GGNBP2: variants seen among roughly 807,000 people sequenced by gnomAD.
The protein encoded by GGNBP2 is gametogenetin-binding protein 2.
Under a neutral mutation model 85.9 loss-of-function variants are expected in GGNBP2, and 10 were observed. The observed-to-expected ratio is 0.12, with a 90% CI of 0.07 to 0.20. The LOEUF (loss-of-function observed/expected upper bound fraction) is 0.20. Ranked by LOEUF, GGNBP2 falls within the 10% of genes least tolerant of loss-of-function variation. The pLI is 1.00. For synonymous variants in GGNBP2, 287 were observed against 285.7 expected (o/e 1.00, Z -0.05); for missense variants, 595 against 857.8 (o/e 0.69, Z 3.83).
chr17:36,586,917 C>CTT (rs11367622), intron 12 of GGNBP2, 80 bp from the exon 13 acceptor site: 1,717 of 1,067,164 alleles, frequency 1.6e-3, no homozygotes, highest in South Asian at 2.5e-3. Flanking sequence ...CCGTGCCCCG[C>CTT]TTTTTTTTTT....
intron 9 of GGNBP2, chr17:36,582,442 A>G (rs1297070848): frequency 4.6e-5 from 7 of 152,234 alleles, no homozygotes; most frequent in Admixed American, 3.9e-4. Flanking sequence ...AAATAAGGAC[A>G]AGAAAAAAGT....
In GGNBP2 at chr17:36,587,055, C is replaced by G; in HGVS notation, c.1700C>G (p.Thr567Ser). 1 of 1,613,500 alleles carries G rather than the reference C, an allele frequency of 6.2e-7. No homozygotes were observed. Among genetic ancestry groups the G allele is most frequent in the Non-Finnish European group, 8.5e-7 (1 of 1,179,704 alleles). Residue 567 changes from threonine to serine, a missense_variant, in exon 13 of 14, where the codon ACC becomes AGC. Thr to Ser is a moderately conservative substitution (Grantham distance 58, BLOSUM62 1). Transcript: ENST00000613102. The stretch of plus-strand genomic sequence containing the variant: ...GGTAATCGAGAGACCTCAGGAAATA[C>G]CATGCACACAGTGTTTCACCGTGAC... ...DPGNRETSGNTMHTVFHRDKT... is the reference protein window; with the variant it reads ...DPGNRETSGNSMHTVFHRDKT...
In GGNBP2 at chr17:36,575,648, A is replaced by ATTTTT. The variant is rs71274856; in HGVS notation, c.642-2324_642-2320dup. Among the ~76,000 whole-genome samples the ATTTTT allele has an allele frequency of 2.4e-3, 130 of 54,900 alleles. 3 individuals are homozygous for ATTTTT. The highest frequency in any genetic ancestry group is 7.2e-3 in the African/African-American group (66 of 9,186). The allele number at this position is 54,900 out of a possible 152,430, so 36.0% of individuals were successfully genotyped here. The stretch of plus-strand genomic sequence containing the variant: ...TATATATATATATATATATATATAT[A>ATTTTT]TTTTTTTTTTTTTTTGAGATGGAGT... On this transcript the variant is annotated intron_variant, in intron 6 of 13. Transcript: ENST00000613102.
chr17:36,586,901 G>A (rs891473217), intron 12 of GGNBP2, 96 bp from the exon 13 acceptor site: 5 of 1,241,324 alleles, frequency 4.0e-6, no homozygotes, highest in Middle Eastern at 2.6e-4. Flanking sequence ...TTGTAGGCAT[G>A]AGCCACCGTG....
At chr17:36,546,976 AG>A (rs763904734) in intron 2 of GGNBP2, 35 of 152,246 alleles carry the variant, frequency 2.3e-4, no homozygotes, top group Non-Finnish European at 4.1e-4. Context: ...AAAAAGGATT[AG>A]AAGAGCTATT....
At chr17:36,577,931 A>G (rs1316845002) in intron 6 of GGNBP2, 52 bp from the exon 7 acceptor site, 1 of 1,433,022 alleles carries the variant, frequency 7.0e-7, no homozygotes, top group Non-Finnish European at 9.8e-7. Flanking sequence ...TATATGCCAC[A>G]AGAAATAATT....
chr17:36,557,290 T>C lies in GGNBP2; in HGVS notation c.382T>C (p.Cys128Arg), dbSNP rs371423617. 5 of 1,613,842 alleles carry C rather than the reference T, an allele frequency of 3.1e-6. No homozygotes were observed. Among genetic ancestry groups the C allele is most frequent in the Non-Finnish European group, 4.2e-6 (5 of 1,179,850 alleles). The change falls in exon 4 of 14, where the codon TGC becomes CGC. Residue 128 changes from cysteine (C) to arginine (R), a missense_variant. Coordinates refer to ENST00000613102, the MANE Select transcript of GGNBP2 (RefSeq NM_024835.5). ...GGGAGTCCTGTCTGTAACTAGAAGC[T>C]GCATGACTGATGCAAAGAAGCTTTA... ...PKGVLSVTRS[C>R]MTDAKKLYTL...
At chr17:36,548,597 A>G (rs1180265669) in intron 2 of GGNBP2, among the ~76,000 whole-genome samples, 5 of 129,920 alleles carry the variant, frequency 3.8e-5, no homozygotes, top group Admixed American at 8.2e-5. Flanking sequence ...CCTGGGCAAC[A>G]AGAGCAAGAC....
At position 36,545,757 on chromosome 17, in the gene GGNBP2, G is replaced by A; in HGVS notation, c.33G>A (p.Gly11=). Residue 11 remains glycine (G), a synonymous_variant, in exon 2 of 14, where the codon GGG becomes GGA. Coordinates refer to ENST00000613102, the MANE Select transcript of GGNBP2 (RefSeq NM_024835.5). ...GACTCGTGGCAGTGTGCAGGGACGGGGAGGAGGAGTTCCCCTTCGAGAGGA... is the reference window on the plus strand; with the variant it reads ...GACTCGTGGCAGTGTGCAGGGACGGAGAGGAGGAGTTCCCCTTCGAGAGGA... MARLVAVCRD[G]EEEFPFERRQ... 1 of 1,583,824 alleles carries A rather than the reference G, an allele frequency of 6.3e-7. No homozygotes were observed. Among genetic ancestry groups the A allele is most frequent in the South Asian group, 1.2e-5 (1 of 86,894 alleles).
intron 3 of GGNBP2, 93 bp from the exon 4 acceptor site, chr17:36,556,990 A>G (rs1271635219): frequency 4.1e-6 from 6 of 1,464,734 alleles, no homozygotes; most frequent in Non-Finnish European, 9.4e-7. Context: ...GCCAGGTTGT[A>G]CTTTACTGCA....
At chr17:36,545,447 A>AGGGGG (rs199505333) in intron 1 of GGNBP2, 172 bp from the exon 2 acceptor site, 4 of 380,486 alleles carry the variant, frequency 1.1e-5, no homozygotes, top group African/African-American at 8.8e-5. Flanking sequence ...GCGCGGCGCG[A>AGGGGG]GGGGGGCGGG....
rs913959056 is a variant in GGNBP2 at position 36,545,025 on chromosome 17, G to A, written c.-179G>A. The A allele has an allele frequency of 3.9e-5, 6 of 153,108 alleles. No individual in the cohort carries two copies. The highest frequency in any genetic ancestry group is 1.4e-4 in the African/African-American group (6 of 41,432). The allele number at this position is 153,108 out of a possible 1,614,324, so 9.5% of individuals were successfully genotyped here. On this transcript the variant is annotated 5_prime_UTR_variant, in exon 1 of 14. Coordinates refer to ENST00000613102, the MANE Select transcript of GGNBP2 (RefSeq NM_024835.5). ...GCGGGCCTCGTCAGCCAGTAACAGG[G>A]AGCAGAGGTGGGAGTTAGCGAGGCG...
At chr17:36,545,573 C>CT in intron 1 of GGNBP2, 46 bp from the exon 2 acceptor site, 1 of 624,162 alleles carries the variant, frequency 1.6e-6, no homozygotes, top group Non-Finnish European at 2.9e-6. Context: ...GGCGAATGTG[C>CT]TGCGCAGCGG....
chr17:36,577,844 G>T (rs1457175109), intron 6 of GGNBP2, 139 bp from the exon 7 acceptor site: 5 of 692,416 alleles, frequency 7.2e-6, no homozygotes, highest in Non-Finnish European at 1.3e-5. Flanking sequence ...CCTTATGTGC[G>T]TATGTTTTAA....
At chr17:36,576,595 A>ATATATATGTGTG (rs748348633) in intron 6 of GGNBP2, 38 of 51,486 alleles carry the variant, frequency 7.4e-4, no homozygotes, top group Non-Finnish European at 8.8e-4. Context: ...ATATATATAT[A>ATATATATGTGTG]TGTGTGTGTG....
intron 6 of GGNBP2, among the ~76,000 whole-genome samples, chr17:36,570,706 A>G (rs962423062): frequency 2.6e-5 from 4 of 151,830 alleles, no homozygotes; most frequent in Non-Finnish European, 5.9e-5. Flanking sequence ...TTCGTTCCCA[A>G]AAAAACAACA....
chr17:36,579,386 T>C lies in GGNBP2; in HGVS notation c.987T>C (p.Tyr329=). Residue 329 remains tyrosine (Y), a synonymous_variant, in exon 8 of 14, where the codon TAT becomes TAC. Coordinates refer to ENST00000613102, the MANE Select transcript of GGNBP2 (RefSeq NM_024835.5). The part of the protein sequence containing the change: ...AEEQTWQMLF[Y]LGVDALRKSF... ...AGCAGACATGGCAGATGCTTTTCTA[T>C]CTTGGTGTTGATGCTTTACGCAAGA... 6.2e-7 allele frequency: 1 copy of C among 1,614,230 alleles called. No homozygotes were observed. The highest frequency in any genetic ancestry group is 8.5e-7 in the Non-Finnish European group (1 of 1,180,040).
chr17:36,548,650 A>AAAAAAAAAAAAAAAAAAAAAT (rs2074278275), intron 2 of GGNBP2, among the ~76,000 whole-genome samples: 1 of 126,888 alleles, frequency 7.9e-6, no homozygotes, highest in Non-Finnish European at 1.6e-5. Flanking sequence ...AAAAAAAAAA[A>AAAAAAAAAAAAAAAAAAAAAT]AAGTAGCCTT....
At chr17:36,579,164 A>G (rs778514355) in intron 7 of GGNBP2, 81 bp from the exon 8 acceptor site, 114 of 1,239,544 alleles carry the variant, frequency 9.2e-5, no homozygotes, top group Non-Finnish European at 1.2e-4. Context: ...CATTGTGTTT[A>G]AAACCTGAAC....
Sources: gnomAD v4.1 joint callset for allele counts (sites outside exome capture counted in the v4.1 genomes callset) on GRCh38, gnomAD v4.1.1 for gene constraint, MANE v1.5 for transcripts, NCBI Gene and HGNC (gene_info 2026-07-23, HGNC 2026-07-21) for gene names.